The following CDK17 variants were observed in gnomAD, a reference collection of about 807,000 sequenced individuals.
CDK17 encodes the protein cyclin-dependent kinase 17.
CDK17 carries 24 observed loss-of-function variants against 77.6 expected under a neutral mutation model. That is an observed-to-expected ratio of 0.31 (90% confidence interval 0.22 to 0.44). The LOEUF is 0.44. CDK17 is among the 20% of genes least tolerant of loss of function. The pLI, the probability that CDK17 is intolerant of heterozygous loss-of-function variation, is 1.00. For synonymous variants in CDK17, 203 were observed against 210.4 expected (o/e 0.96, Z 0.30); for missense variants, 429 against 622.5 (o/e 0.69, Z 3.31).
intron 6 of CDK17, 91 bp from the exon 7 acceptor site, chr12:96,299,074 A>C: frequency 1.6e-6 from 1 of 623,634 alleles, no homozygotes; most frequent in South Asian, 2.3e-5. Flanking sequence ...CTGAATTTCT[A>C]GTTTCTAAGC....
In CDK17 at chr12:96,369,345, T is replaced by C. The variant is rs115877501; in HGVS notation, c.-30+30641A>G. ...ATTTCTTTAAAAGTAAAGAAAAAACTTGACAACACTAAGAAAAAGGAAAAA... is the reference window on the plus strand; with the variant it reads ...ATTTCTTTAAAAGTAAAGAAAAAACCTGACAACACTAAGAAAAAGGAAAAA... On this transcript the variant is annotated intron_variant, in intron 1 of 16. Transcript: ENST00000261211. Among the ~76,000 whole-genome samples, 424 of 152,230 alleles carry C rather than the reference T, an allele frequency of 2.8e-3. 3 individuals carry two copies. Among genetic ancestry groups the C allele is most frequent in the African/African-American group, 9.7e-3 (402 of 41,548 alleles).
chr12:96,333,865 G>A (rs1953004900), intron 2 of CDK17, among the ~76,000 whole-genome samples: 1 of 152,124 alleles, frequency 6.6e-6, no homozygotes, highest in African/African-American at 2.4e-5. Context: ...ACTGAAGCCT[G>A]GGTAGAATAA....
Position 96,327,942 on chromosome 12 carries a change from T to C in CDK17, c.119-3830A>G, listed in dbSNP as rs540766340. ...TAACTGGAATTGTGTATCAGTCACATTGATCAGGGGTCCCCAACTCCTGGG... is the reference window on the plus strand; with the variant it reads ...TAACTGGAATTGTGTATCAGTCACACTGATCAGGGGTCCCCAACTCCTGGG... On this transcript the variant is annotated intron_variant, in intron 2 of 16. Transcript: ENST00000261211. 2.0e-5 allele frequency among the ~76,000 whole-genome samples: 3 copies of C among 152,192 alleles called. No individual in the cohort carries two copies. In the East Asian group the frequency reaches 5.8e-4, roughly 29 times the overall value.
chr12:96,316,854 G>A (rs1175063979), intron 3 of CDK17, among the ~76,000 whole-genome samples: 3 of 146,236 alleles, frequency 2.1e-5, no homozygotes, highest in African/African-American at 7.6e-5. Context: ...ACAAAGATGG[G>A]GAAAAAACAG....
At chr12:96,290,781 T>C (rs1232354775) in intron 10 of CDK17, among the ~76,000 whole-genome samples, 2 of 152,186 alleles carry the variant, frequency 1.3e-5, no homozygotes, top group East Asian at 1.9e-4. Context: ...TTACCAGTTA[T>C]AGTTTCCTCA....
chr12:96,372,000 TGA>T lies in CDK17; in HGVS notation c.-30+27984_-30+27985del, dbSNP rs746941210. ...CGGAGAGAGAGAGACAGTGTGTGAG[TGA>T]GTGTGTGTTTGTGTGTGTGTGTGTG... On this transcript the variant is annotated intron_variant, in intron 1 of 16. Coordinates refer to ENST00000261211, the MANE Select transcript of CDK17 (RefSeq NM_002595.5). 3.3e-3 allele frequency among the ~76,000 whole-genome samples: 143 copies of T among 43,328 alleles called. 1 individual carries two copies. The highest frequency in any genetic ancestry group is 6.7e-3 in the Non-Finnish European group (127 of 18,950). 28.4% of individuals were successfully genotyped at this position (43,328 alleles called of 152,430 possible).
intron 5 of CDK17, among the ~76,000 whole-genome samples, chr12:96,307,591 C>A (rs1050916731): frequency 6.6e-6 from 1 of 152,140 alleles, no homozygotes; most frequent in African/African-American, 2.4e-5. Flanking sequence ...AATGTCTTGG[C>A]CAGGCACAGT....
chr12:96,282,656 A>G (rs1192182426), intron 14 of CDK17, 57 bp from the exon 15 acceptor site: 3 of 1,085,972 alleles, frequency 2.8e-6, no homozygotes, highest in Non-Finnish European at 4.2e-6. Context: ...TGCAAAAAGT[A>G]GGAGATGGGC....
At chr12:96,301,465 T>C (rs898317042) in intron 5 of CDK17, among the ~76,000 whole-genome samples, 12 of 152,070 alleles carry the variant, frequency 7.9e-5, no homozygotes, top group Non-Finnish European at 5.9e-5. Context: ...TGTTTTTAGA[T>C]AGATTGAAAA....
At chr12:96,389,080 A>C (rs924297528) in intron 1 of CDK17, among the ~76,000 whole-genome samples, 8 of 151,560 alleles carry the variant, frequency 5.3e-5, no homozygotes, top group Non-Finnish European at 1.2e-4. Flanking sequence ...CTTCTGCCTC[A>C]GCCTCCTGGG....
chr12:96,386,990 TG>T, intron 1 of CDK17: 1 of 307,218 alleles, frequency 3.3e-6, no homozygotes, highest in South Asian at 3.8e-5. Flanking sequence ...GTAAACTGTC[TG>T]GTAGAGTAAA....
chr12:96,351,318 CAA>C (rs33926052), intron 1 of CDK17, among the ~76,000 whole-genome samples: 60,550 of 148,528 alleles, frequency 0.41, 13,583 homozygotes, highest in African/African-American at 0.6. Flanking sequence ...AGGGATATAC[CAA>C]AAAAAAAAAA....
intron 1 of CDK17, among the ~76,000 whole-genome samples, chr12:96,349,468 T>C (rs1953277967): frequency 1.5e-5 from 2 of 134,124 alleles, no homozygotes; most frequent in South Asian, 4.7e-4. Flanking sequence ...AAAAAGAAAA[T>C]CAACTAATGT....
At chr12:96,386,093 C>G (rs1283438994) in intron 1 of CDK17, among the ~76,000 whole-genome samples, 1 of 152,186 alleles carries the variant, frequency 6.6e-6, no homozygotes. Context: ...AATCACAGCT[C>G]ACTGCAGACT....
chr12:96,346,351 C>T (rs1953210882), intron 1 of CDK17, among the ~76,000 whole-genome samples: 1 of 147,650 alleles, frequency 6.8e-6, no homozygotes, highest in South Asian at 2.2e-4. Context: ...ACTCGGGAGG[C>T]CGAGGCAGGA....
In CDK17 at chr12:96,395,289, T is replaced by G. The variant is rs76582436; in HGVS notation, c.-30+4697A>C. ...TTTTAATGTAGTAAAACCAGTTCAA[T>G]GTACTTTAAATCGCATTTTGATGAG... On this transcript the variant is annotated intron_variant, in intron 1 of 16. Coordinates refer to ENST00000261211, the MANE Select transcript of CDK17 (RefSeq NM_002595.5). Among the ~76,000 whole-genome samples, 1,203 of 152,356 alleles carry G rather than the reference T, an allele frequency of 7.9e-3. 16 individuals are homozygous for G. The highest frequency in any genetic ancestry group is 0.028 in the African/African-American group (1,156 of 41,582).
chr12:96,373,823 G>A (rs1043874259), intron 1 of CDK17, among the ~76,000 whole-genome samples: 2 of 152,026 alleles, frequency 1.3e-5, no homozygotes, highest in African/African-American at 4.8e-5. Context: ...AGGAGGCTGG[G>A]GCAGGAGAAT....
intron 1 of CDK17, among the ~76,000 whole-genome samples, chr12:96,395,777 A>C (rs577744310): frequency 3.9e-5 from 6 of 152,248 alleles, no homozygotes; most frequent in Admixed American, 1.3e-4. Flanking sequence ...TTTTAAGTAG[A>C]AAAGAAAAAG....
At chr12:96,394,356 T>C (rs1416246738) in intron 1 of CDK17, among the ~76,000 whole-genome samples, 3 of 152,166 alleles carry the variant, frequency 2.0e-5, no homozygotes, top group Admixed American at 6.5e-5. Flanking sequence ...AGTAGATTAA[T>C]ATGACTTGAG....
Sources: allele counts gnomAD v4.1 joint callset (sites outside exome capture counted in the v4.1 genomes callset), GRCh38; gene constraint gnomAD v4.1.1; transcripts MANE v1.5; gene names NCBI Gene and HGNC (gene_info 2026-07-23, HGNC 2026-07-21).